The following MGAT4C variants were observed in gnomAD, a reference collection of about 807,000 sequenced individuals.
MGAT4C encodes MGAT4 family member C, also known as alpha-1,3-mannosyl-glycoprotein 4-beta-N-acetylglucosaminyltransferase C.
Under a neutral mutation model 40.1 loss-of-function variants are expected in MGAT4C, and 19 were observed. The observed-to-expected ratio is 0.47, with a 90% CI of 0.33 to 0.70. The LOEUF is 0.70. Among genes scored for constraint, MGAT4C ranks in the 30% least tolerant of loss-of-function variants. MGAT4C has a pLI of 0.02. For synonymous variants in MGAT4C, 181 were observed against 187.1 expected, an observed-to-expected ratio of 0.97 and a Z score of 0.27; for missense variants, 491 against 563.2, an observed-to-expected ratio of 0.87 and a Z score of 1.30.
intron 4 of MGAT4C, among the ~76,000 whole-genome samples, chr12:86,270,057 ATGTTTTGTTT>A (rs1030619696): frequency 1.3e-5 from 2 of 151,144 alleles, no homozygotes; most frequent in African/African-American, 2.4e-5. Context: ...TTGTTTTGTT[ATGTTTTGTTT>A]TGTTTTGTTT....
At chr12:86,049,597 C>T in intron 2 of MGAT4C, 77 bp downstream of exon 2, 3 of 738,768 alleles carry the variant, frequency 4.1e-6, no homozygotes, top group Non-Finnish European at 3.3e-6. Context: ...GACAATTTTA[C>T]TTATTAAATA....
chr12:86,770,034 T>C (rs994724419), intron 1 of MGAT4C, among the ~76,000 whole-genome samples: 3 of 151,932 alleles, frequency 2.0e-5, no homozygotes, highest in African/African-American at 7.2e-5. Context: ...AAAAAAAGAA[T>C]GACATTATTA....
At chr12:86,657,889 C>T (rs1963889034) in intron 2 of MGAT4C, among the ~76,000 whole-genome samples, 1 of 151,816 alleles carries the variant, frequency 6.6e-6, no homozygotes, top group African/African-American at 2.4e-5. Context: ...AACAGTGGTT[C>T]CCCAGGCTTA....
At chr12:86,064,492 A>G (rs971141776) in intron 1 of MGAT4C, among the ~76,000 whole-genome samples, 3 of 152,252 alleles carry the variant, frequency 2.0e-5, no homozygotes, top group South Asian at 4.1e-4. Flanking sequence ...TGAAGACAGA[A>G]ATAAAGATGT....
intron 2 of MGAT4C, among the ~76,000 whole-genome samples, chr12:86,492,896 A>C (rs1312077006): frequency 6.6e-6 from 1 of 152,190 alleles, no homozygotes; most frequent in Non-Finnish European, 1.5e-5. Context: ...CAACCTACTC[A>C]TCTGACAAAG....
chr12:86,624,990 T>C (rs1025912973), intron 2 of MGAT4C, among the ~76,000 whole-genome samples: 1 of 151,838 alleles, frequency 6.6e-6, no homozygotes, highest in Non-Finnish European at 1.5e-5. Context: ...TGGTGGGAGG[T>C]GACTGGATCA....
rs117186956 is a variant in MGAT4C at position 86,356,222 on chromosome 12, A to C, written c.-119-22095T>G. Among the ~76,000 whole-genome samples the C allele has an allele frequency of 3.1e-3, 478 of 152,302 alleles. 2 individuals carry two copies. Among genetic ancestry groups the C allele is most frequent in the Middle Eastern group, 0.02 (6 of 294 alleles). ...AAAGTATCAATACAGTAACACCAAC[A>C]CCAAAACTGACAACACTACCAACGG... On this transcript the variant is annotated intron_variant, in intron 3 of 7. Coordinates refer to the MGAT4C transcript ENST00000548651.
intron 2 of MGAT4C, among the ~76,000 whole-genome samples, chr12:86,580,184 G>A (rs1335732386): frequency 1.3e-5 from 2 of 151,400 alleles, no homozygotes; most frequent in Non-Finnish European, 3.0e-5. Context: ...AATATCTCCA[G>A]TGTAATTTCT....
intron 3 of MGAT4C, among the ~76,000 whole-genome samples, chr12:86,427,587 C>CAA: frequency 6.6e-6 from 1 of 152,122 alleles, no homozygotes; most frequent in Non-Finnish European, 1.5e-5. Flanking sequence ...TAAGCTTTCA[C>CAA]ATCCTTAGTA....
chr12:85,995,424 A>G lies in MGAT4C; in HGVS notation c.-6-5872T>C, dbSNP rs550506719. Among the ~76,000 whole-genome samples the G allele has an allele frequency of 5.3e-5, 8 of 152,308 alleles. No individual in the cohort carries two copies. The South Asian group carries it at 1.2e-3, about 24-fold the overall frequency. On this transcript the variant is annotated intron_variant, in intron 2 of 4. Coordinates refer to ENST00000611864, the MANE Select transcript of MGAT4C (RefSeq NM_001351288.2). ...GTCATGTGTGTCATGAAACTTCATAAGACTAGAGAAAGAACCATAAAAAAG... is the reference window on the plus strand; with the variant it reads ...GTCATGTGTGTCATGAAACTTCATAGGACTAGAGAAAGAACCATAAAAAAG...
At chr12:86,439,734 CAGATTAGCCAAGAAG>C (rs1367481513) in intron 2 of MGAT4C, among the ~76,000 whole-genome samples, 1 of 151,660 alleles carries the variant, frequency 6.6e-6, no homozygotes, top group African/African-American at 2.4e-5. Flanking sequence ...GACCACTAGC[CAGATTAGCCAAGAAG>C]AGAGAAGGTT....
chr12:86,311,530 A>G (rs1280945372), intron 4 of MGAT4C, among the ~76,000 whole-genome samples: 3 of 152,040 alleles, frequency 2.0e-5, no homozygotes, highest in Non-Finnish European at 4.4e-5. Context: ...ATTTGTTGTC[A>G]TCTATTTTCT....
intron 4 of MGAT4C, among the ~76,000 whole-genome samples, chr12:86,310,700 T>C (rs149286048): frequency 2.6e-5 from 4 of 152,120 alleles, no homozygotes; most frequent in African/African-American, 9.6e-5. Context: ...GGCGGGCAGA[T>C]TGCTTGAGGT....
chr12:86,622,835 G>A (rs1339471202), intron 2 of MGAT4C, among the ~76,000 whole-genome samples: 3 of 151,832 alleles, frequency 2.0e-5, no homozygotes, highest in Admixed American at 2.0e-4. Context: ...AAAAATGACA[G>A]GAATGAGAGA....
chr12:86,750,679 T>A (rs942079897), intron 1 of MGAT4C, among the ~76,000 whole-genome samples: 1 of 151,970 alleles, frequency 6.6e-6, no homozygotes, highest in Non-Finnish European at 1.5e-5. Context: ...GTTGTTATGC[T>A]AGTTACTAAT....
intron 2 of MGAT4C, among the ~76,000 whole-genome samples, chr12:86,648,018 G>C (rs1235039553): frequency 6.6e-6 from 1 of 151,898 alleles, no homozygotes; most frequent in Non-Finnish European, 1.5e-5. Flanking sequence ...TGTGACTTCA[G>C]GGTCTAGCAA....
At chr12:86,154,241 T>A (rs762321673) in intron 1 of MGAT4C, among the ~76,000 whole-genome samples, 52 of 152,266 alleles carry the variant, frequency 3.4e-4, no homozygotes, top group Non-Finnish European at 6.2e-4. Context: ...AGAATAAGTA[T>A]GAAATAGGCT....
At chr12:86,666,271 AC>A (rs1964103734) in intron 2 of MGAT4C, among the ~76,000 whole-genome samples, 1 of 152,168 alleles carries the variant, frequency 6.6e-6, no homozygotes, top group Non-Finnish European at 1.5e-5. Flanking sequence ...TTACCCTAAG[AC>A]TTTTCTATAG....
At position 86,367,152 on chromosome 12, in the gene MGAT4C, T is replaced by C. The variant is rs959416968; in HGVS notation, c.-119-33025A>G. ...AGTTCCAGCTCCCTTTCTAGCCTCA[T>C]GCATTTCAAGGAAATCACTTCTGTC... is the stretch of plus-strand genomic sequence containing the variant. On this transcript the variant is annotated intron_variant, in intron 3 of 7. Transcript: ENST00000548651. Among the ~76,000 whole-genome samples the C allele has an allele frequency of 6.7e-4, 102 of 151,942 alleles. 1 individual carries two copies. The highest frequency in any genetic ancestry group is 2.1e-3 in the African/African-American group (85 of 41,350).
Sources: gnomAD v4.1 joint callset for allele counts (sites outside exome capture counted in the v4.1 genomes callset) on GRCh38, gnomAD v4.1.1 for gene constraint, MANE v1.5 for transcripts, NCBI Gene and HGNC (gene_info 2026-07-23, HGNC 2026-07-21) for gene names.